The following PMF1 variants were observed in gnomAD, a reference collection of about 807,000 sequenced individuals.
PMF1 encodes polyamine-modulated factor 1.
In PMF1, 21 loss-of-function variants were observed where a neutral mutation model predicts 26.7. That is an observed-to-expected ratio of 0.79 (90% confidence interval 0.56 to 1.13). The LOEUF (loss-of-function observed/expected upper bound fraction) is 1.13. Ranked by LOEUF, PMF1 falls within the 50% of genes most tolerant of loss-of-function variation. PMF1 has a pLI of 0.00. For missense variants in PMF1, 266 were observed against 254.9 expected (o/e 1.04, Z -0.30); for synonymous variants, 105 against 101.0 (o/e 1.04, Z -0.24).
chr1:156,228,936 T>G (rs1558194015), intron 1 of PMF1, among the ~76,000 whole-genome samples: 1 of 152,062 alleles, frequency 6.6e-6, no homozygotes, highest in African/African-American at 2.4e-5. Context: ...TGAGACGGAG[T>G]CTTGCTGTGT....
intron 4 of PMF1, 168 bp downstream of exon 4, chr1:156,236,651 C>T: frequency 1.2e-6 from 1 of 835,922 alleles, no homozygotes; most frequent in Non-Finnish European, 1.8e-6. Flanking sequence ...GTGCAGTAGC[C>T]TCTGCCAGCC....
rs1657737732 is a variant in PMF1, at chr1:156,216,694, C to T, written c.161+3518C>T. 2.6e-5 allele frequency among the ~76,000 whole-genome samples: 4 copies of T among 151,782 alleles called. No homozygotes were observed. In the South Asian group the frequency reaches 8.3e-4, roughly 31 times the overall value. On this transcript the variant is annotated intron_variant, in intron 1 of 4. Transcript: ENST00000368277. ...CTACCCTGCCCCCGTGCGCTCTCCG[C>T]TGCGGGCGCCCGGGGCGGCCGCGAC...
At chr1:156,216,706 G>A (rs1293090959) in intron 1 of PMF1, among the ~76,000 whole-genome samples, 4 of 151,874 alleles carry the variant, frequency 2.6e-5, no homozygotes, top group African/African-American at 2.4e-5. Flanking sequence ...GCGGGCGCCC[G>A]GGGCGGCCGC....
intron 3 of PMF1, among the ~76,000 whole-genome samples, chr1:156,234,851 C>G (rs1415123470): frequency 6.6e-6 from 1 of 152,000 alleles, no homozygotes; most frequent in Admixed American, 6.6e-5. Context: ...GTGAACAAGA[C>G]AGACCAAATA....
Position 156,233,735 on chromosome 1 carries a change from G to C in PMF1, c.368+7G>C. The C allele has an allele frequency of 1.2e-6, 2 of 1,612,500 alleles. No homozygotes were observed. Among genetic ancestry groups the C allele is most frequent in the Non-Finnish European group, 1.7e-6 (2 of 1,179,026 alleles). The stretch of plus-strand genomic sequence containing the variant: ...TCCGCAAAGAGCCAGCCTGGTGAGA[G>C]TGGGGTGGGGAGGTGAGAAGGTACA... On this transcript the variant is annotated splice_region_variant and intron_variant, in intron 3 of 4. Coordinates refer to ENST00000368277, the MANE Select transcript of PMF1 (RefSeq NM_007221.4).
chr1:156,229,151 G>A (rs1037187902), intron 1 of PMF1, among the ~76,000 whole-genome samples: 11 of 151,952 alleles, frequency 7.2e-5, no homozygotes, highest in African/African-American at 9.7e-5. Flanking sequence ...CTCATGATCC[G>A]CCCGCCTTGG....
At position 156,213,283 on chromosome 1, in the gene PMF1, G is replaced by T. The variant is rs1657488820; in HGVS notation, c.161+107G>T. ...CGCGCGGTGACGTGGGTCCGCGTTG[G>T]GGGCGGGGCAGTCGGACGAGGCGAC... On this transcript the variant is annotated intron_variant, in intron 1 of 4. Transcript: ENST00000368277. The T allele has an allele frequency of 4.7e-6, 7 of 1,503,232 alleles. No individual in the cohort carries two copies. In the South Asian group the frequency reaches 8.8e-5, roughly 19 times the overall value. The allele number at this position is 1,503,232 out of a possible 1,614,324, so 93.1% of individuals were successfully genotyped here. A position where few individuals can be genotyped will look rare whatever the true frequency, so the allele number is the denominator to read the frequency against.
rs1659017287 is a variant in PMF1, at chr1:156,236,406, G to A, written c.487G>A (p.Ala163Thr). Residue 163 changes from alanine (A) to threonine (T), a missense_variant, in exon 4 of 5, where the codon GCA becomes ACA. Coordinates refer to ENST00000368277, the MANE Select transcript of PMF1 (RefSeq NM_007221.4). ...QKQEAENQQLADAVLAGRRQV... is the reference protein window; with the variant it reads ...QKQEAENQQLTDAVLAGRRQV... Reference sequence around the variant, plus strand: ...ACAGGAGGCCGAGAACCAGCAGCTGGCAGATGCCGTCCTGGCAGGGCGGAG... The same window carrying A: ...ACAGGAGGCCGAGAACCAGCAGCTGACAGATGCCGTCCTGGCAGGGCGGAG... 3.1e-6 allele frequency: 5 copies of A among 1,614,080 alleles called. No individual in the cohort carries two copies. Among genetic ancestry groups the A allele is most frequent in the Non-Finnish European group, 4.2e-6 (5 of 1,180,024 alleles).
chr1:156,220,762 T>C (rs763604378), intron 1 of PMF1: 1 of 151,886 alleles, frequency 6.6e-6, no homozygotes, highest in Non-Finnish European at 1.5e-5. Context: ...GTTCAAGCAA[T>C]TCTCCTCAGC....
chr1:156,231,521 G>A (rs1357530370), intron 1 of PMF1, among the ~76,000 whole-genome samples: 2 of 151,878 alleles, frequency 1.3e-5, no homozygotes, highest in African/African-American at 2.4e-5. Flanking sequence ...TGGCCAACAC[G>A]GTGAAACCCC....
chr1:156,237,753 A>G (rs1659116735), intron 4 of PMF1, among the ~76,000 whole-genome samples: 1 of 147,100 alleles, frequency 6.8e-6, no homozygotes, highest in South Asian at 2.1e-4. Context: ...GGCCCCAGAA[A>G]TGTTCTATTT....
intron 1 of PMF1, among the ~76,000 whole-genome samples, chr1:156,230,469 C>T (rs1658628386): frequency 1.3e-5 from 2 of 152,186 alleles, no homozygotes; most frequent in South Asian, 2.1e-4. Context: ...TCTGGGAGGG[C>T]CGTGTCAGTC....
intron 4 of PMF1, among the ~76,000 whole-genome samples, chr1:156,238,874 T>G (rs1572510653): frequency 1.1e-5 from 1 of 94,552 alleles, no homozygotes; most frequent in Non-Finnish European, 2.0e-5. Context: ...AAAGTGGTGG[T>G]GACAAAGGCC....
At chr1:156,220,015 G>A (rs1189251159) in intron 1 of PMF1, among the ~76,000 whole-genome samples, 1 of 150,746 alleles carries the variant, frequency 6.6e-6, no homozygotes, top group Non-Finnish European at 1.5e-5. Context: ...CCAGGCTGGA[G>A]TGCAGTGGCG....
intron 1 of PMF1, among the ~76,000 whole-genome samples, chr1:156,221,506 C>T (rs990271129): frequency 6.6e-6 from 1 of 152,230 alleles, no homozygotes; most frequent in African/African-American, 2.4e-5. Context: ...GTCTCCCCTA[C>T]ATAAAACCTA....
chr1:156,221,230 C>T (rs553117816), intron 1 of PMF1, among the ~76,000 whole-genome samples: 2 of 152,172 alleles, frequency 1.3e-5, no homozygotes, highest in African/African-American at 2.4e-5. Context: ...CTTCTAGGCC[C>T]GGGCTACCTC....
intron 1 of PMF1, among the ~76,000 whole-genome samples, chr1:156,213,573 T>A (rs1008516250): frequency 1.3e-5 from 2 of 151,748 alleles, no homozygotes; most frequent in African/African-American, 2.4e-5. Context: ...CAAGCGATCT[T>A]CCTGCCGCAG....
chr1:156,215,510 C>T (rs1657651183), intron 1 of PMF1, among the ~76,000 whole-genome samples: 1 of 151,938 alleles, frequency 6.6e-6, no homozygotes, highest in Non-Finnish European at 1.5e-5. Context: ...CTCCCATAGT[C>T]CCCACTTTCT....
At chr1:156,237,709 C>T (rs1020616903) in intron 4 of PMF1, among the ~76,000 whole-genome samples, 2 of 150,626 alleles carry the variant, frequency 1.3e-5, no homozygotes, top group Admixed American at 6.6e-5. Context: ...AGCCTCACAA[C>T]GTGCTGGGAT....
Sources: gnomAD v4.1 joint callset for allele counts (sites outside exome capture counted in the v4.1 genomes callset) on GRCh38, gnomAD v4.1.1 for gene constraint, MANE v1.5 for transcripts, NCBI Gene and HGNC (gene_info 2026-07-23, HGNC 2026-07-21) for gene names.